The following NRXN1 variants were observed in gnomAD, a reference collection of about 807,000 sequenced individuals.
The protein encoded by NRXN1 is neurexin-1.
NRXN1 carries 39 observed loss-of-function variants against 150.9 expected under a neutral mutation model. The ratio of observed to expected loss-of-function variants is 0.26; its 90% confidence interval spans 0.20 to 0.34. NRXN1 has a LOEUF of 0.34. Among genes scored for constraint, NRXN1 ranks in the 10% least tolerant of loss-of-function variants. The probability of loss-of-function intolerance (pLI) is 1.00; values close to 1 mark genes in which losing one functional copy is unlikely to be tolerated. For missense variants in NRXN1, 1,815 were observed against 1,949.9 expected, an observed-to-expected ratio of 0.93 and a Z score of 1.30; for synonymous variants, 924 against 757.0, an observed-to-expected ratio of 1.22 and a Z score of -3.62.
At chr2:50,795,474 T>C (rs1706686431) in intron 5 of NRXN1, among the ~76,000 whole-genome samples, 1 of 152,004 alleles carries the variant, frequency 6.6e-6, no homozygotes, top group South Asian at 2.1e-4. Context: ...AAGATTGCAT[T>C]TTCTTTCCTT....
intron 21 of NRXN1, chr2:50,023,013 GTAT>G (rs1390651057): frequency 6.6e-6 from 1 of 152,198 alleles, no homozygotes. Context: ...TGCCAAGGGA[GTAT>G]GTGTCCTTCC....
intron 17 of NRXN1, among the ~76,000 whole-genome samples, chr2:50,250,916 ACATTGCAT>A (rs1485228939): frequency 6.6e-6 from 1 of 151,654 alleles, no homozygotes; most frequent in Non-Finnish European, 1.5e-5. Flanking sequence ...TATTTATTAC[ACATTGCAT>A]ATGTAATAAA....
At chr2:50,787,909 G>A (rs1416290900) in intron 5 of NRXN1, among the ~76,000 whole-genome samples, 1 of 151,940 alleles carries the variant, frequency 6.6e-6, no homozygotes, top group Non-Finnish European at 1.5e-5. Context: ...CCACTTCTCA[G>A]CATGTCATAA....
chr2:50,381,298 T>A (rs1401037480), intron 17 of NRXN1, among the ~76,000 whole-genome samples: 1 of 151,966 alleles, frequency 6.6e-6, no homozygotes, highest in African/African-American at 2.4e-5. Context: ...AGTAGTCTCA[T>A]CACGACAGTC....
intron 18 of NRXN1, among the ~76,000 whole-genome samples, chr2:50,207,082 G>C (rs964931011): frequency 2.6e-5 from 4 of 152,012 alleles, no homozygotes; most frequent in African/African-American, 9.7e-5. Flanking sequence ...AAGTATGTTA[G>C]ATGCTAAAAT....
At chr2:50,841,564 T>A (rs558986309) in intron 5 of NRXN1, among the ~76,000 whole-genome samples, 1 of 152,348 alleles carries the variant, frequency 6.6e-6, no homozygotes, top group African/African-American at 2.4e-5. Flanking sequence ...CCTACGTTAG[T>A]CACAGGACAT....
At position 50,250,515 on chromosome 2, in the gene NRXN1, G is replaced by A. The variant is rs192627830; in HGVS notation, c.3365-13545C>T. Among the ~76,000 whole-genome samples, 7 of 151,934 alleles carry A rather than the reference G, an allele frequency of 4.6e-5. No individual in the cohort carries two copies. The East Asian group carries it at 1.4e-3, about 29-fold the overall frequency. On this transcript the variant is annotated intron_variant, in intron 17 of 22. Coordinates refer to ENST00000401669, the MANE Select transcript of NRXN1 (RefSeq NM_001330078.2). ...CTTTGTCTCTTGAATTAAATCTCCA[G>A]ATAAATACAGAGCACAAATCACATA...
At chr2:50,103,879 A>T (rs1701303910) in intron 18 of NRXN1, among the ~76,000 whole-genome samples, 1 of 151,636 alleles carries the variant, frequency 6.6e-6, no homozygotes, top group Admixed American at 6.6e-5. Context: ...ACAAACAAAC[A>T]AACAAACACA....
At chr2:50,509,759 A>G (rs759765695) in intron 12 of NRXN1, among the ~76,000 whole-genome samples, 6 of 152,192 alleles carry the variant, frequency 3.9e-5, no homozygotes, top group Non-Finnish European at 5.9e-5. Flanking sequence ...ATATCAAACC[A>G]TGCATCAGTT....
intron 18 of NRXN1, among the ~76,000 whole-genome samples, chr2:50,228,183 T>C (rs1366072565): frequency 6.6e-6 from 1 of 152,054 alleles, no homozygotes; most frequent in East Asian, 1.9e-4. Flanking sequence ...ATTTATATCA[T>C]TTATATATTA....
intron 2 of NRXN1, among the ~76,000 whole-genome samples, chr2:50,934,350 A>G (rs1214435583): frequency 3.3e-5 from 5 of 152,204 alleles, no homozygotes; most frequent in Non-Finnish European, 7.4e-5. Context: ...TACCTTACTA[A>G]TAATAGGCAT....
intron 18 of NRXN1, among the ~76,000 whole-genome samples, chr2:50,217,864 A>G (rs910255098): frequency 6.6e-6 from 1 of 152,082 alleles, no homozygotes; most frequent in African/African-American, 2.4e-5. Context: ...ACTAGATAAG[A>G]TATTTCCCAT....
At chr2:50,811,416 A>ATG (rs1668196662) in intron 5 of NRXN1, among the ~76,000 whole-genome samples, 1 of 152,216 alleles carries the variant, frequency 6.6e-6, no homozygotes, top group African/African-American at 2.4e-5. Flanking sequence ...GTGATGTCAC[A>ATG]GACAAAGAAT....
chr2:50,184,663 C>G (rs17447792), intron 18 of NRXN1, among the ~76,000 whole-genome samples: 8,723 of 152,068 alleles, frequency 0.057, 299 homozygotes, highest in Middle Eastern at 0.11. Flanking sequence ...CTTGGAAACT[C>G]TCATTTCATT....
intron 2 of NRXN1, among the ~76,000 whole-genome samples, chr2:51,017,250 T>C (rs1021734620): frequency 1.3e-5 from 2 of 151,790 alleles, no homozygotes; most frequent in African/African-American, 4.8e-5. Context: ...ACTTAAAGTA[T>C]AATTTAAAAA....
chr2:50,913,544 T>C (rs1284042831), intron 5 of NRXN1, among the ~76,000 whole-genome samples: 2 of 151,830 alleles, frequency 1.3e-5, no homozygotes, highest in Non-Finnish European at 2.9e-5. Context: ...ATCTTATTCA[T>C]TGTCTCAGTA....
intron 18 of NRXN1, among the ~76,000 whole-genome samples, chr2:50,219,933 ATATTATATATT>A (rs1559115046): frequency 1.0e-3 from 98 of 96,700 alleles, no homozygotes; most frequent in South Asian, 4.0e-3. Flanking sequence ...TATATTATAT[ATATTATATATT>A]ATATATATAA....
chr2:50,851,289 T>C (rs1332335033), intron 5 of NRXN1, among the ~76,000 whole-genome samples: 5 of 152,170 alleles, frequency 3.3e-5, no homozygotes, highest in African/African-American at 9.7e-5. Flanking sequence ...GGTAGGTTTC[T>C]AGTTGATTCA....
At chr2:50,915,019 G>C (rs1685019383) in intron 5 of NRXN1, among the ~76,000 whole-genome samples, 1 of 151,498 alleles carries the variant, frequency 6.6e-6, no homozygotes, top group South Asian at 2.1e-4. Context: ...TATGTTAAAA[G>C]ATAGTAATTT....
Sources: allele counts gnomAD v4.1 joint callset (sites outside exome capture counted in the v4.1 genomes callset), GRCh38; gene constraint gnomAD v4.1.1; transcripts MANE v1.5; gene names NCBI Gene and HGNC (gene_info 2026-07-23, HGNC 2026-07-21).